The following CRYBB1 variants were observed in gnomAD, a reference collection of about 807,000 sequenced individuals.
The protein encoded by CRYBB1 is beta-crystallin B1.
In CRYBB1, 16 loss-of-function variants were observed where a neutral mutation model predicts 29.5. The observed-to-expected ratio is 0.54, with a 90% CI of 0.37 to 0.82. The LOEUF is 0.82. CRYBB1 is among the 40% of genes least tolerant of loss of function. The pLI is 0.00. For missense variants in CRYBB1, 300 were observed against 350.5 expected, an observed-to-expected ratio of 0.86 and a Z score of 1.15; for synonymous variants, 127 against 136.7, an observed-to-expected ratio of 0.93 and a Z score of 0.49.
At chr22:26,602,213 G>A (rs1327602622) in intron 4 of CRYBB1, among the ~76,000 whole-genome samples, 192 bp from the exon 5 acceptor site, 1 of 152,048 alleles carries the variant, frequency 6.6e-6, no homozygotes, top group African/African-American at 2.4e-5. Flanking sequence ...CACGTCATAG[G>A]GTCCTCGTGA....
In CRYBB1 at chr22:26,616,297, G is replaced by A. The variant is rs374176492; in HGVS notation, c.23C>T (p.Ser8Leu). The A allele has an allele frequency of 1.8e-5, 29 of 1,613,712 alleles. No homozygotes were observed. The highest frequency in any genetic ancestry group is 6.7e-5 in the African/African-American group (5 of 74,932). Residue 8 changes from serine to leucine, a missense_variant, in exon 2 of 6, where the codon TCG (serine) becomes TTG (leucine). By Grantham distance (145) the Ser-to-Leu change is moderately radical (BLOSUM62 -2). Coordinates refer to ENST00000647684, the MANE Select transcript of CRYBB1 (RefSeq NM_001887.4). ...GTTCACCGCCACTGTGGCCGAGGCC[G>A]AGGCCTTTGCAGCCTGAGACATGGT... Reference protein sequence around the residue: MSQAAKASASATVAVNPG... With the variant: MSQAAKALASATVAVNPG...
chr22:26,613,517 C>A (rs1204784842), intron 2 of CRYBB1, among the ~76,000 whole-genome samples: 1 of 152,196 alleles, frequency 6.6e-6, no homozygotes, highest in Non-Finnish European at 1.5e-5. Flanking sequence ...ATTTCTTATG[C>A]CTGTCTTTAC....
chr22:26,599,498 G>A lies in CRYBB1; in HGVS notation c.751C>T (p.Pro251Ser), dbSNP rs201427310. 1.2e-6 allele frequency: 2 copies of A among 1,612,484 alleles called. No homozygotes were observed. Among genetic ancestry groups the A allele is most frequent in the East Asian group, 4.5e-5 (2 of 44,878 alleles). ...CAGAGTGAGGTGTGGACTCACTTGG[G>A]GGGCTCTGTGGCCAGGACAGGGAAG... ...GSFPVLATEP[P>S]K Residue 251 changes from proline (P) to serine (S), a missense_variant, in exon 6 of 6, where the codon CCC (proline) becomes TCC (serine). Pro to Ser is a moderately conservative substitution (Grantham distance 74). Coordinates refer to ENST00000647684, the MANE Select transcript of CRYBB1 (RefSeq NM_001887.4).
intron 1 of CRYBB1, 62 bp downstream of exon 1, chr22:26,617,915 C>T (rs1243401243): frequency 6.5e-6 from 1 of 153,580 alleles, no homozygotes; most frequent in Non-Finnish European, 1.5e-5. Flanking sequence ...CTCCCTCTCT[C>T]TGTCTCCCTT....
intron 5 of CRYBB1, among the ~76,000 whole-genome samples, chr22:26,600,287 A>G (rs1294240032): frequency 6.6e-6 from 1 of 152,118 alleles, no homozygotes; most frequent in Non-Finnish European, 1.5e-5. Context: ...CTGTAGTCCC[A>G]GCTACTCGGG....
Position 26,608,041 on chromosome 22 carries a change from T to C in CRYBB1, c.300-20A>G. On this transcript the variant is annotated intron_variant, in intron 3 of 5. Coordinates refer to ENST00000647684, the MANE Select transcript of CRYBB1 (RefSeq NM_001887.4). ...ACCCAGCTGGATACAAGAAGGACCATGAGGCAGACAGGAGACATATGGTTA... is the reference window on the plus strand; with the variant it reads ...ACCCAGCTGGATACAAGAAGGACCACGAGGCAGACAGGAGACATATGGTTA... 10 of 1,614,080 alleles carry C rather than the reference T, an allele frequency of 6.2e-6. No individual in the cohort carries two copies. Among genetic ancestry groups the C allele is most frequent in the Non-Finnish European group, 6.8e-6 (8 of 1,180,030 alleles).
chr22:26,603,125 CAA>C (rs779127242), intron 4 of CRYBB1, among the ~76,000 whole-genome samples: 12 of 69,340 alleles, frequency 1.7e-4, no homozygotes, highest in African/African-American at 5.7e-4. Context: ...GACTCCGTCT[CAA>C]AAAAAAAAAA....
At chr22:26,613,009 A>G (rs1250982712) in intron 2 of CRYBB1, among the ~76,000 whole-genome samples, 1 of 151,822 alleles carries the variant, frequency 6.6e-6, no homozygotes, top group Non-Finnish European at 1.5e-5. Flanking sequence ...CCTCTCTCCC[A>G]TTACCCAGCC....
intron 4 of CRYBB1, among the ~76,000 whole-genome samples, chr22:26,606,266 C>G (rs1391187699): frequency 6.6e-6 from 1 of 152,124 alleles, no homozygotes; most frequent in Non-Finnish European, 1.5e-5. Flanking sequence ...TTTGAGATTT[C>G]TAAACATTTC....
intron 4 of CRYBB1, among the ~76,000 whole-genome samples, chr22:26,605,565 T>G (rs956641097): frequency 1.3e-5 from 2 of 149,822 alleles, no homozygotes; most frequent in East Asian, 4.0e-4. Context: ...TCCCAGCTAC[T>G]TGGGAGGCTG....
chr22:26,605,038 G>A (rs952777380), intron 4 of CRYBB1, among the ~76,000 whole-genome samples: 7 of 152,072 alleles, frequency 4.6e-5, no homozygotes, highest in Non-Finnish European at 1.0e-4. Flanking sequence ...CCAGTCCATC[G>A]TTGCTCTAGG....
chr22:26,611,354 T>G (rs1308187068), intron 3 of CRYBB1, among the ~76,000 whole-genome samples: 5 of 152,208 alleles, frequency 3.3e-5, no homozygotes, highest in Non-Finnish European at 7.3e-5. Flanking sequence ...CCACAGATGC[T>G]TATCATTACT....
chr22:26,601,403 G>T (rs1928814905), intron 5 of CRYBB1, among the ~76,000 whole-genome samples: 1 of 152,088 alleles, frequency 6.6e-6, no homozygotes, highest in Non-Finnish European at 1.5e-5. Flanking sequence ...AGACTGAGAG[G>T]CAGAGAGGTG....
intron 4 of CRYBB1, among the ~76,000 whole-genome samples, chr22:26,607,494 C>G (rs1460663052): frequency 6.8e-6 from 1 of 148,042 alleles, no homozygotes; most frequent in Non-Finnish European, 1.5e-5. Context: ...GAGTTCAAGG[C>G]TGCAGTGAGC....
chr22:26,615,664 C>T (rs1277061597), intron 2 of CRYBB1, among the ~76,000 whole-genome samples: 1 of 152,156 alleles, frequency 6.6e-6, no homozygotes, highest in Non-Finnish European at 1.5e-5. Context: ...CAGGCGCCCA[C>T]CACTACGCCT....
rs1208686673 is a variant in CRYBB1, at chr22:26,616,221, A to C, written c.99T>G (p.Pro33=). 4.3e-6 allele frequency: 7 copies of C among 1,613,708 alleles called. No homozygotes were observed. The highest frequency in any genetic ancestry group is 2.7e-5 in the African/African-American group (2 of 74,896). The change falls in exon 2 of 6, where the codon CCT becomes CCG. Residue 33 remains proline, a synonymous_variant. Transcript: ENST00000647684. ...GKGAPPAGTS[P]SPGTTLAPTT... The stretch of plus-strand genomic sequence containing the variant: ...TTGGGGCCAGGGTAGTGCCGGGACT[A>C]GGGGATGTTCCTGCAGGTGGGGCCC...
chr22:26,609,605 G>C (rs1929093803), intron 3 of CRYBB1, among the ~76,000 whole-genome samples: 1 of 152,198 alleles, frequency 6.6e-6, no homozygotes, highest in Admixed American at 6.5e-5. Flanking sequence ...GTGGGTACGT[G>C]TGTATAAATG....
chr22:26,601,510 C>A (rs1928817990), intron 5 of CRYBB1, among the ~76,000 whole-genome samples: 1 of 151,732 alleles, frequency 6.6e-6, no homozygotes, highest in South Asian at 2.1e-4. Context: ...TTCATTCTCC[C>A]AGAAGCTTCT....
chr22:26,606,512 G>A (rs1018927398), intron 4 of CRYBB1, among the ~76,000 whole-genome samples: 7 of 152,160 alleles, frequency 4.6e-5, no homozygotes, highest in Non-Finnish European at 1.0e-4. Flanking sequence ...AGAAGCTACT[G>A]GAAATGCCCT....
Sources: gnomAD v4.1 joint callset for allele counts (sites outside exome capture counted in the v4.1 genomes callset) on GRCh38, gnomAD v4.1.1 for gene constraint, MANE v1.5 for transcripts, NCBI Gene and HGNC (gene_info 2026-07-23, HGNC 2026-07-21) for gene names.